Variants in EPM2A observed in about 807,000 individuals in gnomAD.
EPM2A encodes the protein laforin.
EPM2A carries 21 observed loss-of-function variants against 26.5 expected under a neutral mutation model. The ratio of observed to expected loss-of-function variants is 0.79; its 90% confidence interval spans 0.56 to 1.14. The LOEUF is 1.14. EPM2A is among the 50% of genes most tolerant of loss of function. The pLI, the probability that EPM2A is intolerant of heterozygous loss-of-function variation, is 0.00. For missense variants in EPM2A, 458 were observed against 440.8 expected, an observed-to-expected ratio of 1.04 and a Z score of -0.35; for synonymous variants, 217 against 177.6, an observed-to-expected ratio of 1.22 and a Z score of -1.76.
intron 2 of EPM2A, among the ~76,000 whole-genome samples, chr6:145,543,751 C>A (rs551462067): frequency 4.1e-4 from 62 of 152,122 alleles, no homozygotes; most frequent in African/African-American, 1.4e-3. Context: ...TTTTCCAGAC[C>A]ACTCATTACA....
At chr6:145,725,906 T>C (rs1388514293) in intron 1 of EPM2A, among the ~76,000 whole-genome samples, 8 of 152,080 alleles carry the variant, frequency 5.3e-5, no homozygotes, top group African/African-American at 1.9e-4. Context: ...ATTTCCCATA[T>C]ATATACATAA....
intron 4 of EPM2A, among the ~76,000 whole-genome samples, chr6:145,480,223 A>C (rs887189736): frequency 6.6e-6 from 1 of 151,994 alleles, no homozygotes; most frequent in African/African-American, 2.4e-5. Flanking sequence ...CAAGCTGTAC[A>C]GGAAACATGG....
chr6:145,666,068 G>A (rs1198078953), intron 2 of EPM2A, among the ~76,000 whole-genome samples: 4 of 145,926 alleles, frequency 2.7e-5, no homozygotes, highest in Non-Finnish European at 6.0e-5. Flanking sequence ...ATACTGAATG[G>A]GCAAAAACTG....
intron 2 of EPM2A, among the ~76,000 whole-genome samples, chr6:145,668,635 G>A (rs908007422): frequency 8.5e-5 from 13 of 152,114 alleles, no homozygotes; most frequent in African/African-American, 3.1e-4. Context: ...GAGAATCTGG[G>A]AATGGCAGTT....
At chr6:145,490,660 G>A in intron 4 of EPM2A, 1 of 623,374 alleles carries the variant, frequency 1.6e-6, no homozygotes, top group Non-Finnish European at 3.1e-6. Context: ...GAAACTCTCA[G>A]TAGAGTGTGA....
intron 2 of EPM2A, among the ~76,000 whole-genome samples, chr6:145,560,657 A>T (rs1429510694): frequency 1.3e-5 from 2 of 152,104 alleles, no homozygotes; most frequent in Non-Finnish European, 2.9e-5. Context: ...TTATGAAACA[A>T]TTGTGTGATT....
At chr6:145,673,073 TA>T (rs1336088565) in intron 2 of EPM2A, among the ~76,000 whole-genome samples, 2 of 151,616 alleles carry the variant, frequency 1.3e-5, no homozygotes. Flanking sequence ...AAAAATACAT[TA>T]AAACAATTTG....
chr6:145,616,239 G>A (rs1360037038), intron 2 of EPM2A, among the ~76,000 whole-genome samples: 1 of 152,216 alleles, frequency 6.6e-6, no homozygotes, highest in Non-Finnish European at 1.5e-5. Context: ...GCTGAAAGGG[G>A]CCAACATAGA....
chr6:145,674,030 A>G (rs938228862), intron 2 of EPM2A, among the ~76,000 whole-genome samples: 1 of 152,084 alleles, frequency 6.6e-6, no homozygotes, highest in Non-Finnish European at 1.5e-5. Context: ...GGAGACACCT[A>G]CCAGTAGGGG....
intron 2 of EPM2A, among the ~76,000 whole-genome samples, chr6:145,574,646 AC>A (rs1172625293): frequency 6.6e-6 from 1 of 152,108 alleles, no homozygotes; most frequent in Non-Finnish European, 1.5e-5. Flanking sequence ...CCCATCCCAA[AC>A]TCCCTAAGCC....
chr6:145,502,359 C>T (rs1371907543), intron 3 of EPM2A, among the ~76,000 whole-genome samples: 1 of 152,220 alleles, frequency 6.6e-6, no homozygotes, highest in East Asian at 1.9e-4. Flanking sequence ...CTCAGCCTGC[C>T]TTATTTCCAG....
chr6:145,395,898 C>T (rs564710248), intron 4 of EPM2A, among the ~76,000 whole-genome samples: 5 of 152,284 alleles, frequency 3.3e-5, no homozygotes, highest in South Asian at 2.1e-4. Flanking sequence ...ATCAAGCCCT[C>T]GGCCAGGTGC....
intron 2 of EPM2A, among the ~76,000 whole-genome samples, chr6:145,555,105 A>C (rs1372323539): frequency 6.6e-6 from 1 of 152,116 alleles, no homozygotes; most frequent in Non-Finnish European, 1.5e-5. Context: ...TCAGTTCTTC[A>C]TCAGTAAATG....
chr6:145,598,898 T>G (rs1045769497), intron 2 of EPM2A, among the ~76,000 whole-genome samples: 1 of 152,184 alleles, frequency 6.6e-6, no homozygotes, highest in Admixed American at 6.5e-5. Context: ...TCAGCTTTGC[T>G]GAAGATCAGA....
At chr6:145,419,792 C>A (rs1778758487) in intron 4 of EPM2A, among the ~76,000 whole-genome samples, 1 of 151,826 alleles carries the variant, frequency 6.6e-6, no homozygotes, top group Admixed American at 6.6e-5. Flanking sequence ...GGTAAAAAAA[C>A]CATTCTGAAT....
At chr6:145,610,076 C>A (rs1320134508) in intron 2 of EPM2A, among the ~76,000 whole-genome samples, 4 of 151,918 alleles carry the variant, frequency 2.6e-5, no homozygotes, top group Non-Finnish European at 5.9e-5. Flanking sequence ...TTAGCGGGGC[C>A]TGGTGGCACG....
At chr6:145,606,813 G>A (rs1379661748) in intron 2 of EPM2A, among the ~76,000 whole-genome samples, 2 of 152,102 alleles carry the variant, frequency 1.3e-5, no homozygotes, top group East Asian at 3.9e-4. Context: ...AATGGACACT[G>A]GGCCTAGAGA....
chr6:145,531,340 G>A (rs531173236), intron 2 of EPM2A, among the ~76,000 whole-genome samples: 1 of 152,206 alleles, frequency 6.6e-6, no homozygotes, highest in South Asian at 2.1e-4. Context: ...ATAATAGAAT[G>A]TGCCCATTCC....
At chr6:145,462,011 G>T (rs927451961) in intron 4 of EPM2A, among the ~76,000 whole-genome samples, 1 of 152,186 alleles carries the variant, frequency 6.6e-6, no homozygotes, top group African/African-American at 2.4e-5. Context: ...TCGAATCCCA[G>T]TTCTGCTCCT....
Sources: allele counts gnomAD v4.1 joint callset (sites outside exome capture counted in the v4.1 genomes callset), GRCh38; gene constraint gnomAD v4.1.1; transcripts MANE v1.5; gene names NCBI Gene and HGNC (gene_info 2026-07-23, HGNC 2026-07-21).